Variants in CADPS observed in about 807,000 individuals in gnomAD.
CADPS encodes calcium-dependent secretion activator 1.
A neutral mutation model predicts 167.3 loss-of-function variants in CADPS; 57 were observed. The ratio of observed to expected loss-of-function variants is 0.34; its 90% CI spans 0.28 to 0.42. The LOEUF is 0.42. Among genes scored for constraint, CADPS ranks in the 20% least tolerant of loss-of-function variants. The pLI is 1.00. For missense variants in CADPS, 1,414 were observed against 1,738.1 expected, an observed-to-expected ratio of 0.81 and a Z score of 3.32; for synonymous variants, 676 against 635.3, an observed-to-expected ratio of 1.06 and a Z score of -0.96.
intron 1 of CADPS, among the ~76,000 whole-genome samples, chr3:62,771,771 C>T (rs304189): frequency 0.29 from 44,342 of 152,156 alleles, 7,469 homozygotes; most frequent in African/African-American, 0.46. Context: ...ACTATTCAAG[C>T]ATTCTTGGTT....
chr3:62,465,369 T>C lies in CADPS; in HGVS notation c.3634A>G (p.Thr1212Ala). The C allele has an allele frequency of 1.9e-6, 3 of 1,604,196 alleles. No homozygotes were observed. The highest frequency in any genetic ancestry group is 1.7e-6 in the Non-Finnish European group (2 of 1,175,914). The change falls in exon 26 of 30, where the codon ACC becomes GCC. Residue 1212 changes from threonine (T) to alanine (A), a missense_variant and splice_region_variant. By Grantham distance (58) the Thr-to-Ala change is moderately conservative. This residue lies in a region of CADPS where 185 missense variants were observed against 251.5 expected (regional missense o/e 0.74). Transcript: ENST00000383710. The surrounding 1 kb of genome is among the most constrained non-coding windows in gnomAD (Gnocchi z 4.1). Reference protein sequence around the residue: ...GTLFSSFLSFTVKAASKYVDV... With the variant: ...GTLFSSFLSFAVKAASKYVDV... ...AAATAAAGAAGCTCTTTACTTACGG[T>C]AAATGACAGAAAAGAAGAAAACAAA...
At chr3:62,810,038 A>G (rs892947544) in intron 1 of CADPS, among the ~76,000 whole-genome samples, 1 of 152,192 alleles carries the variant, frequency 6.6e-6, no homozygotes, top group African/African-American at 2.4e-5. Context: ...GAATCTAATT[A>G]GAACCACAGG....
At chr3:62,818,804 G>A (rs758574752) in intron 1 of CADPS, among the ~76,000 whole-genome samples, 6 of 152,140 alleles carry the variant, frequency 3.9e-5, no homozygotes, top group Non-Finnish European at 1.5e-5. Flanking sequence ...GAATAGATAC[G>A]TAAATTGTGT....
At chr3:62,520,267 C>T (rs1441177552) in intron 13 of CADPS, among the ~76,000 whole-genome samples, 1 of 152,204 alleles carries the variant, frequency 6.6e-6, no homozygotes, top group Non-Finnish European at 1.5e-5. Flanking sequence ...AATTAGAAGG[C>T]AGCTTTCTGC....
intron 1 of CADPS, among the ~76,000 whole-genome samples, chr3:62,862,217 GT>G (rs34987223): frequency 0.053 from 7,012 of 131,776 alleles, 156 homozygotes; most frequent in East Asian, 0.086. Flanking sequence ...GAAAACAGTG[GT>G]TTTTTTTTTT....
At chr3:62,715,753 CTTT>C (rs71123291) in intron 3 of CADPS, among the ~76,000 whole-genome samples, 3 of 89,716 alleles carry the variant, frequency 3.3e-5, no homozygotes, top group African/African-American at 8.3e-5. Flanking sequence ...GATTATAAAT[CTTT>C]TTTTTTTTTT....
chr3:62,631,817 A>G (rs985617011), intron 6 of CADPS, among the ~76,000 whole-genome samples: 2 of 152,174 alleles, frequency 1.3e-5, no homozygotes, highest in African/African-American at 4.8e-5. Flanking sequence ...TGAGGCTGCA[A>G]GAGAGAGACA....
At chr3:62,565,696 G>T (rs1371746757) in intron 9 of CADPS, among the ~76,000 whole-genome samples, 5 of 152,154 alleles carry the variant, frequency 3.3e-5, no homozygotes, top group African/African-American at 4.8e-5. Context: ...CAGTTGGTAG[G>T]GTAGACTCTA....
intron 1 of CADPS, chr3:62,779,393 G>C: frequency 4.3e-6 from 2 of 463,442 alleles, no homozygotes; most frequent in South Asian, 1.9e-5. Context: ...ACTTTCAGGA[G>C]AGCTGCCTTT....
At chr3:62,659,030 C>G (rs1236421803) in intron 4 of CADPS, among the ~76,000 whole-genome samples, 1 of 152,152 alleles carries the variant, frequency 6.6e-6, no homozygotes, top group African/African-American at 2.4e-5. Context: ...CCGATCTCCT[C>G]TTTTACATAA....
At chr3:62,791,668 A>G (rs1384477192) in intron 1 of CADPS, among the ~76,000 whole-genome samples, 1 of 152,210 alleles carries the variant, frequency 6.6e-6, no homozygotes, top group African/African-American at 2.4e-5. Flanking sequence ...GTATCTGCTC[A>G]TGGCACCAGG....
chr3:62,568,276 C>T (rs1045711533), intron 9 of CADPS, among the ~76,000 whole-genome samples: 4 of 152,172 alleles, frequency 2.6e-5, no homozygotes, highest in African/African-American at 7.2e-5. Flanking sequence ...CTGGGTGTGT[C>T]TGTGAGGGTG....
At chr3:62,503,881 C>A (rs1216543176) in intron 17 of CADPS, among the ~76,000 whole-genome samples, 1 of 152,096 alleles carries the variant, frequency 6.6e-6, no homozygotes, top group Non-Finnish European at 1.5e-5. Flanking sequence ...ATGAGTGTCT[C>A]ATTAACCTTG....
chr3:62,464,588 A>G (rs760361676), intron 26 of CADPS, among the ~76,000 whole-genome samples: 1 of 152,194 alleles, frequency 6.6e-6, no homozygotes, highest in East Asian at 1.9e-4. Flanking sequence ...TTGATCATTT[A>G]TCCATAGAAA....
At chr3:62,466,486 CAACTT>C (rs780320731) in intron 24 of CADPS, 73 bp from the exon 25 acceptor site, 15 of 944,042 alleles carry the variant, frequency 1.6e-5, no homozygotes, top group African/African-American at 3.2e-5. Flanking sequence ...AATTTTTAGA[CAACTT>C]AATTTATAAA....
chr3:62,618,050 T>G (rs2062608220), intron 6 of CADPS, among the ~76,000 whole-genome samples: 1 of 152,104 alleles, frequency 6.6e-6, no homozygotes, highest in South Asian at 2.1e-4. Context: ...CATGGACTGG[T>G]TCATGGGTGG....
intron 1 of CADPS, among the ~76,000 whole-genome samples, chr3:62,803,994 G>A (rs1357202679): frequency 6.6e-6 from 1 of 151,952 alleles, no homozygotes; most frequent in African/African-American, 2.4e-5. Context: ...CACTGGAAAC[G>A]TCATTACCTC....
intron 5 of CADPS, 112 bp from the exon 6 acceptor site, chr3:62,645,955 G>T: frequency 8.3e-7 from 1 of 1,208,742 alleles, no homozygotes. Flanking sequence ...GTATCTGATG[G>T]CTTCTGTTAG....
intron 10 of CADPS, among the ~76,000 whole-genome samples, chr3:62,554,305 T>A (rs2077759752): frequency 1.3e-5 from 2 of 152,140 alleles, no homozygotes; most frequent in Admixed American, 1.3e-4. Context: ...AATGAACACG[T>A]CAAGGACCCA....
Sources: allele counts gnomAD v4.1 joint callset (sites outside exome capture counted in the v4.1 genomes callset), GRCh38; gene constraint gnomAD v4.1.1; regional missense constraint gnomAD v4.1.1; non-coding constraint Gnocchi (gnomAD v3.1); transcripts MANE v1.5; gene names NCBI Gene and HGNC (gene_info 2026-07-23, HGNC 2026-07-21).